Variants in ROBO4 observed in about 807,000 individuals in gnomAD.
ROBO4 encodes the protein roundabout guidance receptor 4, also known as roundabout homolog 4.
Under a neutral mutation model 103.3 loss-of-function variants are expected in ROBO4, and 80 were observed. The observed-to-expected ratio is 0.77, with a 90% CI of 0.65 to 0.93. The LOEUF (loss-of-function observed/expected upper bound fraction) is 0.93, where lower values mean the gene tolerates loss of function less well. ROBO4 is among the 40% of genes least tolerant of loss of function. The pLI is 0.00. For synonymous variants in ROBO4, 504 were observed against 529.7 expected (o/e 0.95, Z 0.67); for missense variants, 1,333 against 1,305.3 (o/e 1.02, Z -0.33).
chr11:124,885,189 C>T lies in ROBO4; in HGVS notation c.2853G>A (p.Leu951=). The T allele has an allele frequency of 1.2e-6, 2 of 1,613,858 alleles. No homozygotes were observed. The highest frequency in any genetic ancestry group is 8.5e-7 in the Non-Finnish European group (1 of 1,180,000). The change falls in exon 17 of 18, where the codon CTG becomes CTA. Residue 951 remains leucine (L), a synonymous_variant. Transcript: ENST00000306534. Reference sequence around the variant, plus strand: ...AGTCTGGCCTCCACTCCCACAGGGGCAGGGAGAGGTTGGGGGTCAGGAAGA... The same window carrying T: ...AGTCTGGCCTCCACTCCCACAGGGGTAGGGAGAGGTTGGGGGTCAGGAAGA... The part of the protein sequence containing the change: ...DEIFLTPNLS[L]PLWEWRPDWL...
intron 4 of ROBO4, 99 bp from the exon 5 acceptor site, chr11:124,896,011 A>C (rs1403465684): frequency 3.8e-6 from 6 of 1,565,436 alleles, no homozygotes; most frequent in Non-Finnish European, 5.2e-6. Context: ...AGGGAACCCA[A>C]ACTCCCAGAG....
intron 16 of ROBO4, 140 bp from the exon 17 acceptor site, chr11:124,885,387 C>G: frequency 1.6e-6 from 1 of 641,530 alleles, no homozygotes; most frequent in Admixed American, 2.8e-5. Context: ...CCATCAGTCC[C>G]AGAGGCCACA....
At chr11:124,890,289 C>T (rs1235387898) in intron 12 of ROBO4, among the ~76,000 whole-genome samples, 1 of 152,062 alleles carries the variant, frequency 6.6e-6, no homozygotes, top group Non-Finnish European at 1.5e-5. Context: ...TTATCTTAAT[C>T]CATCTTTGTC....
intron 17 of ROBO4, 22 bp from the exon 18 acceptor site, chr11:124,884,935 T>G (rs1946686482): frequency 6.2e-7 from 1 of 1,613,998 alleles, no homozygotes; most frequent in South Asian, 1.1e-5. Context: ...TGGAGTTATC[T>G]CCCTTGCTCC....
At position 124,886,500 on chromosome 11, in the gene ROBO4, C is replaced by T. The variant is rs529793135; in HGVS notation, c.2758G>A (p.Gly920Ser). Residue 920 changes from glycine (G) to serine (S), a missense_variant, in exon 16 of 18, where the codon GGT (glycine) becomes AGT (serine). Transcript: ENST00000306534. ...CAGTCTGCCTCCCTGGGCTCTAGAC[C>T]GAAACCAAAGCTATCCACAGCCACT... is the stretch of plus-strand genomic sequence containing the variant. ...LAVAVDSFGF[G>S]LEPREADCVF... 7.6e-5 allele frequency: 122 copies of T among 1,614,128 alleles called. 2 individuals carry two copies. The South Asian group carries it at 1.0e-3, about 14-fold the overall frequency.
At chr11:124,891,180 G>A in intron 12 of ROBO4, 119 bp downstream of exon 12, 15 of 1,236,444 alleles carry the variant, frequency 1.2e-5, no homozygotes, top group Non-Finnish European at 1.5e-5. Flanking sequence ...AGAGGAGAAT[G>A]GAAGGAGGGT....
rs769864309 is a variant in ROBO4, at chr11:124,886,588, G to A, written c.2670C>T (p.Ala890=). Residue 890 remains alanine, a synonymous_variant, in exon 16 of 18, where the codon GCC becomes GCT. Transcript: ENST00000306534. ...ASEDNAASAR[A]SLVSSSDGSF... ...AGCCATCGGAGGAGCTGACAAGGCT[G>A]GCTCTGGCGCTGGCGGCATTGTCCT... 18 of 1,614,212 alleles carry A rather than the reference G, an allele frequency of 1.1e-5. No individual in the cohort carries two copies. The highest frequency in any genetic ancestry group is 1.4e-5 in the Non-Finnish European group (17 of 1,180,036).
intron 10 of ROBO4, among the ~76,000 whole-genome samples, chr11:124,893,283 G>A (rs545746872): frequency 1.3e-5 from 2 of 152,330 alleles, no homozygotes; most frequent in South Asian, 2.1e-4. Context: ...CTGGAGCTGC[G>A]GGTGGACTAT....
intron 13 of ROBO4, 97 bp from the exon 14 acceptor site, chr11:124,887,596 C>A: frequency 6.4e-7 from 1 of 1,560,624 alleles, no homozygotes. Flanking sequence ...AGCTACCTGT[C>A]CACTACTCCA....
At position 124,897,008 on chromosome 11, in the gene ROBO4, G is replaced by A; in HGVS notation, c.324C>T (p.Asp108=). 4 of 1,614,126 alleles carry A rather than the reference G, an allele frequency of 2.5e-6. No individual in the cohort carries two copies. The highest frequency in any genetic ancestry group is 1.7e-4 in the Middle Eastern group (1 of 6,038). Residue 108 remains aspartate, a synonymous_variant, in exon 2 of 18, where the codon GAC becomes GAT. Coordinates refer to ENST00000306534, the MANE Select transcript of ROBO4 (RefSeq NM_019055.6). ...TGGCCTCACATGTGTAGACACCCAGGTCTGTGGACAGGGCCTGGCCATCGT... is the reference window on the plus strand; with the variant it reads ...TGGCCTCACATGTGTAGACACCCAGATCTGTGGACAGGGCCTGGCCATCGT... The part of the protein sequence containing the change: ...HAHDGQALST[D]LGVYTCEASN...
At position 124,896,525 on chromosome 11, in the gene ROBO4, G is replaced by A. The variant is rs143174483; in HGVS notation, c.546C>T (p.Pro182=). The change falls in exon 3 of 18, where the codon CCC becomes CCT. Residue 182 remains proline, a synonymous_variant. Transcript: ENST00000306534. The part of the protein sequence containing the change: ...WKDGKPLALQ[P]GRHTVSGGSL... ...GGGCCACACTTACTGTGTGCCTTCC[G>A]GGCTGGAGGGCCAGGGGTTTCCCAT... The A allele has an allele frequency of 5.0e-3, 8,111 of 1,614,048 alleles. 28 individuals are homozygous for A. The highest frequency in any genetic ancestry group is 5.7e-3 in the Non-Finnish European group (6,707 of 1,179,960).
intron 17 of ROBO4, 58 bp from the exon 18 acceptor site, chr11:124,884,971 T>A: frequency 6.2e-7 from 1 of 1,612,040 alleles, no homozygotes; most frequent in South Asian, 1.1e-5. Flanking sequence ...AGTGCCAGGC[T>A]TCCTCCTGGC....
In ROBO4 at chr11:124,887,224, GGA is replaced by G. The variant is rs572379569; in HGVS notation, c.2199-13_2199-12del. ...GGTGCCACCGGAGGCCTGATTTGCG[GGA>G]GAGAGTGATGGCACCGTAGTTACTA... On this transcript the variant is annotated splice_polypyrimidine_tract_variant and intron_variant, in intron 14 of 17. Transcript: ENST00000306534. 1.6e-4 allele frequency: 248 copies of G among 1,586,940 alleles called. 2 individuals are homozygous for G. The African/African-American group carries it at 3.2e-3, about 20-fold the overall frequency.
chr11:124,894,823 T>C (rs77242994), intron 7 of ROBO4, among the ~76,000 whole-genome samples: 1,807 of 152,358 alleles, frequency 0.012, 52 homozygotes, highest in African/African-American at 0.041. Context: ...TTCTTATTCC[T>C]GTGGCCTTTG....
Position 124,886,504 on chromosome 11 carries a change from A to T in ROBO4, c.2754T>A (p.Gly918=). The change falls in exon 16 of 18, where the codon GGT becomes GGA. Residue 918 remains glycine, a synonymous_variant. Transcript: ENST00000306534. ...RALAVAVDSF[G]FGLEPREADC... ...CTGCCTCCCTGGGCTCTAGACCGAA[A>T]CCAAAGCTATCCACAGCCACTGCCA... 6.2e-7 allele frequency: 1 copy of T among 1,614,216 alleles called. No homozygotes were observed.
chr11:124,894,381 G>A lies in ROBO4; in HGVS notation c.1150-12C>T, dbSNP rs1005397640. ...CCCAGGCTCCAGACCTGAGGCACAAGCAGAGGTGAACAGCTTCCCCAGGCA... is the reference window on the plus strand; with the variant it reads ...CCCAGGCTCCAGACCTGAGGCACAAACAGAGGTGAACAGCTTCCCCAGGCA... On this transcript the variant is annotated splice_polypyrimidine_tract_variant and intron_variant, in intron 7 of 17. Coordinates refer to ENST00000306534, the MANE Select transcript of ROBO4 (RefSeq NM_019055.6). 7 of 1,607,130 alleles carry A rather than the reference G, an allele frequency of 4.4e-6. No homozygotes were observed. In the African/African-American group the frequency reaches 5.3e-5, roughly 12 times the overall value.
intron 12 of ROBO4, among the ~76,000 whole-genome samples, chr11:124,890,978 G>A (rs555973682): frequency 2.0e-4 from 31 of 152,342 alleles, no homozygotes; most frequent in African/African-American, 7.0e-4. Context: ...TGTGTCTGAC[G>A]TCTCTTGTGT....
chr11:124,891,291 C>G lies in ROBO4; in HGVS notation c.1948+8G>C, dbSNP rs753204104. ...AGCTCAGTCTATGTCTATTCTCCCC[C>G]TCCTTACCCTGCTTCTTTTTGGCCT... On this transcript the variant is annotated splice_region_variant and intron_variant, in intron 12 of 17. Coordinates refer to ENST00000306534, the MANE Select transcript of ROBO4 (RefSeq NM_019055.6). 3 of 1,515,550 alleles carry G rather than the reference C, an allele frequency of 2.0e-6. No homozygotes were observed. Among genetic ancestry groups the G allele is most frequent in the African/African-American group, 2.8e-5 (2 of 71,734 alleles). 93.9% of individuals were successfully genotyped at this position (1,515,550 alleles called of 1,614,324 possible). A position where few individuals can be genotyped will look rare whatever the true frequency, so the allele number is the denominator to read the frequency against.
Position 124,895,787 on chromosome 11 carries a change from T to C in ROBO4, c.805A>G (p.Lys269Glu). 1 of 1,614,122 alleles carries C rather than the reference T, an allele frequency of 6.2e-7. No individual in the cohort carries two copies. ...KPRPAVWLSW[K>E]VSGPAAPAQS... ...TACCCTTAGCACCTGGTCCTCACCTTCCAGCTGAGCCACACCGCCGGTCTA... is the reference window on the plus strand; with the variant it reads ...TACCCTTAGCACCTGGTCCTCACCTCCCAGCTGAGCCACACCGCCGGTCTA... The change falls in exon 5 of 18, where the codon AAG becomes GAG. Residue 269 changes from lysine to glutamate, a missense_variant and splice_region_variant. Transcript: ENST00000306534.
Sources: allele counts gnomAD v4.1 joint callset (sites outside exome capture counted in the v4.1 genomes callset), GRCh38; gene constraint gnomAD v4.1.1; transcripts MANE v1.5; gene names NCBI Gene and HGNC (gene_info 2026-07-23, HGNC 2026-07-21).